Variants in GTF2I observed in about 807,000 individuals in gnomAD.
The protein encoded by GTF2I is general transcription factor II-I.
GTF2I carries 12 observed loss-of-function variants against 67.6 expected under a neutral mutation model. That is an observed-to-expected ratio of 0.18 (90% CI 0.11 to 0.29). GTF2I has a LOEUF of 0.29. GTF2I is among the 10% of genes least tolerant of loss of function. The probability of loss-of-function intolerance (pLI) is 1.00; values close to 1 mark genes in which losing one functional copy is unlikely to be tolerated. For synonymous variants in GTF2I, 149 were observed against 197.0 expected (o/e 0.76, Z 2.04); for missense variants, 271 against 580.1 (o/e 0.47, Z 5.47).
intron 6 of GTF2I, among the ~76,000 whole-genome samples, chr7:74,704,174 G>A (rs587617712): frequency 3.2e-4 from 48 of 151,946 alleles, no homozygotes; most frequent in Non-Finnish European, 6.0e-4. Context: ...TTAGTGGTAG[G>A]ATTTTTGTGT....
intron 12 of GTF2I, among the ~76,000 whole-genome samples, chr7:74,721,218 T>A (rs1792947822): frequency 6.6e-6 from 1 of 152,316 alleles, no homozygotes; most frequent in South Asian, 2.1e-4. Flanking sequence ...ATTTTGTATT[T>A]TTAATAGAGA....
chr7:74,701,022 A>C (rs1789660253), intron 6 of GTF2I, among the ~76,000 whole-genome samples: 1 of 152,208 alleles, frequency 6.6e-6, no homozygotes, highest in Non-Finnish European at 1.5e-5. Flanking sequence ...AAGAGAGAAA[A>C]TTCTGTAAAA....
chr7:74,670,974 A>G (rs1805397497), intron 1 of GTF2I, among the ~76,000 whole-genome samples: 1 of 151,930 alleles, frequency 6.6e-6, no homozygotes. Context: ...GTCTTTCCGA[A>G]TAGCTGGTAA....
At chr7:74,689,872 C>T (rs1318939804) in intron 2 of GTF2I, among the ~76,000 whole-genome samples, 2 of 152,086 alleles carry the variant, frequency 1.3e-5, no homozygotes, top group Non-Finnish European at 2.9e-5. Context: ...TGCGCCACCA[C>T]GCTCGGGTAA....
At chr7:74,674,726 T>TA (rs1259615960) in intron 1 of GTF2I, among the ~76,000 whole-genome samples, 1 of 151,352 alleles carries the variant, frequency 6.6e-6, no homozygotes, top group Non-Finnish European at 1.5e-5. Flanking sequence ...TTTTTTTTTT[T>TA]AGTGGAGACG....
Position 74,657,891 on chromosome 7 carries a change from G to A in GTF2I, c.-183G>A, listed in dbSNP as rs1179209774. ...GGCCCTGCCTGCGGGGCGGCCATGC[G>A]GCGGTGACAGGAGCGCGACCGACAC... On this transcript the variant is annotated 5_prime_UTR_variant, in exon 1 of 35. Coordinates refer to ENST00000573035, the MANE Select transcript of GTF2I (RefSeq NM_032999.4). The A allele has an allele frequency of 6.6e-6, 1 of 152,140 alleles. No individual in the cohort carries two copies. The highest frequency in any genetic ancestry group is 2.4e-5 in the African/African-American group (1 of 41,484). The allele number at this position is 152,140 out of a possible 1,614,324, so 9.4% of individuals were successfully genotyped here.
chr7:74,668,049 G>A (rs1189644958), intron 1 of GTF2I, among the ~76,000 whole-genome samples: 2 of 151,204 alleles, frequency 1.3e-5, no homozygotes, highest in African/African-American at 2.4e-5. Context: ...AGCCAGGATG[G>A]TCTCAGTCTC....
At chr7:74,689,415 C>T (rs1435469883) in intron 2 of GTF2I, 188 bp downstream of exon 2, 7 of 365,878 alleles carry the variant, frequency 1.9e-5, no homozygotes, top group Non-Finnish European at 2.8e-5. Context: ...AGTGCAGTGG[C>T]GAGATCTTGG....
At chr7:74,660,742 C>G (rs587615129) in intron 1 of GTF2I, among the ~76,000 whole-genome samples, 70 of 151,728 alleles carry the variant, frequency 4.6e-4, no homozygotes, top group Non-Finnish European at 7.1e-4. Flanking sequence ...CTGCTTCAGA[C>G]TCCTGAGTAG....
At chr7:74,720,189 T>C (rs1226304821) in intron 12 of GTF2I, among the ~76,000 whole-genome samples, 1 of 152,252 alleles carries the variant, frequency 6.6e-6, no homozygotes, top group African/African-American at 2.4e-5. Flanking sequence ...CATTTTAAAA[T>C]ATTACATATT....
intron 1 of GTF2I, among the ~76,000 whole-genome samples, chr7:74,671,827 C>A (rs587599409): frequency 2.0e-5 from 3 of 151,428 alleles, no homozygotes; most frequent in South Asian, 2.1e-4. Flanking sequence ...ACCAAAAAAT[C>A]AAAAAAATTA....
At chr7:74,670,525 C>T (rs1420658847) in intron 1 of GTF2I, among the ~76,000 whole-genome samples, 3 of 151,888 alleles carry the variant, frequency 2.0e-5, no homozygotes, top group Admixed American at 6.6e-5. Context: ...GGTAAAACCC[C>T]GTCTCTACTA....
At chr7:74,675,325 C>A (rs1212521774) in intron 1 of GTF2I, among the ~76,000 whole-genome samples, 1 of 152,042 alleles carries the variant, frequency 6.6e-6, no homozygotes, top group Non-Finnish European at 1.5e-5. Flanking sequence ...CCATGTTTTC[C>A]TTGCATTTTG....
intron 1 of GTF2I, among the ~76,000 whole-genome samples, chr7:74,669,224 G>GT (rs34714148): frequency 0.022 from 1,638 of 75,424 alleles, 54 homozygotes; most frequent in African/African-American, 0.053. Flanking sequence ...GACTAGTTTA[G>GT]TTTTTTTTTT....
intron 6 of GTF2I, among the ~76,000 whole-genome samples, chr7:74,704,311 G>A (rs1371326727): frequency 2.7e-4 from 10 of 36,900 alleles, no homozygotes; most frequent in Non-Finnish European, 6.9e-4. Context: ...TTTATTTTGA[G>A]ATGGAGTCTT....
At chr7:74,695,606 A>G (rs1788810039) in intron 3 of GTF2I, among the ~76,000 whole-genome samples, 1 of 152,044 alleles carries the variant, frequency 6.6e-6, no homozygotes, top group East Asian at 1.9e-4. Flanking sequence ...TTAATTCCCA[A>G]TTGTATTTTT....
At chr7:74,688,734 T>A (rs587718495) in intron 1 of GTF2I, among the ~76,000 whole-genome samples, 1 of 152,244 alleles carries the variant, frequency 6.6e-6, no homozygotes, top group East Asian at 1.9e-4. Context: ...TACCCACTCT[T>A]TTGTGTGTCA....
chr7:74,715,080 G>A, intron 10 of GTF2I, 164 bp downstream of exon 10: 2 of 433,120 alleles, frequency 4.6e-6, no homozygotes, highest in South Asian at 1.5e-4. Context: ...AACTTCACAA[G>A]CAACAATTTT....
intron 1 of GTF2I, among the ~76,000 whole-genome samples, chr7:74,682,344 A>G (rs782716380): frequency 5.9e-5 from 9 of 152,240 alleles, no homozygotes; most frequent in Non-Finnish European, 1.0e-4. Flanking sequence ...AACACCAGAA[A>G]GTTGAAAAGT....
Sources: gnomAD v4.1 joint callset for allele counts (sites outside exome capture counted in the v4.1 genomes callset) on GRCh38, gnomAD v4.1.1 for gene constraint, MANE v1.5 for transcripts, NCBI Gene and HGNC (gene_info 2026-07-23, HGNC 2026-07-21) for gene names.